The following REDIC1 variants were observed in gnomAD, a reference collection of about 807,000 sequenced individuals.
The protein encoded by REDIC1 is regulator of DNA class I crossover intermediates 1.
At chr12:39,849,305 T>C in the REDIC1 span, among the ~76,000 whole-genome samples, 1 of 152,134 alleles carries the variant, frequency 6.6e-6, no homozygotes, top group African/African-American at 2.4e-5. Flanking sequence ...GAATGCAGCA[T>C]TTAGCGAGCA....
At chr12:39,866,660 T>C in the REDIC1 span, among the ~76,000 whole-genome samples, 1 of 152,128 alleles carries the variant, frequency 6.6e-6, no homozygotes. Flanking sequence ...TTTGTATTTT[T>C]AGTAGAGACG....
the REDIC1 span, among the ~76,000 whole-genome samples, chr12:39,715,573 C>A: frequency 6.6e-6 from 1 of 151,870 alleles, no homozygotes. Flanking sequence ...CTAGAAAAAA[C>A]AATTCTAAAA....
At chr12:39,795,550 A>G in the REDIC1 span, among the ~76,000 whole-genome samples, 3 of 152,076 alleles carry the variant, frequency 2.0e-5, no homozygotes, top group Admixed American at 2.0e-4. Context: ...GTTCCCTGGT[A>G]TATTTTATGT....
chr12:39,870,992 T>A, the REDIC1 span, among the ~76,000 whole-genome samples: 1 of 152,198 alleles, frequency 6.6e-6, no homozygotes, highest in Non-Finnish European at 1.5e-5. Flanking sequence ...TATCTTTTAA[T>A]GGAAAAATGC....
the REDIC1 span, among the ~76,000 whole-genome samples, chr12:39,830,878 C>T: frequency 2.6e-5 from 4 of 152,152 alleles, no homozygotes; most frequent in African/African-American, 7.2e-5. Flanking sequence ...CAAAGGCTAA[C>T]CATCCCCTAA....
chr12:39,742,674 G>A, the REDIC1 span, among the ~76,000 whole-genome samples: 1 of 152,098 alleles, frequency 6.6e-6, no homozygotes, highest in Non-Finnish European at 1.5e-5. Context: ...GTTTACCTCA[G>A]CTGGAATTTT....
the REDIC1 span, chr12:39,764,510 A>G: frequency 6.2e-7 from 1 of 1,610,982 alleles, no homozygotes; most frequent in Non-Finnish European, 8.5e-7. Context: ...TGAAACCAGG[A>G]CATTGAAAAT....
the REDIC1 span, among the ~76,000 whole-genome samples, chr12:39,793,643 A>G: frequency 6.6e-6 from 1 of 152,114 alleles, no homozygotes; most frequent in Non-Finnish European, 1.5e-5. Flanking sequence ...TTACTAGGAT[A>G]TATATTGCGT....
At chr12:39,851,432 A>G in the REDIC1 span, among the ~76,000 whole-genome samples, 1 of 152,196 alleles carries the variant, frequency 6.6e-6, no homozygotes, top group South Asian at 2.1e-4. Context: ...ATAACTTTAT[A>G]TATTGATAAT....
the REDIC1 span, among the ~76,000 whole-genome samples, chr12:39,636,000 A>T: frequency 5.3e-5 from 8 of 152,100 alleles, no homozygotes; most frequent in African/African-American, 1.9e-4. Flanking sequence ...ATGTTTCAAG[A>T]CTATTTGTAA....
At chr12:39,896,392 G>GTA in the REDIC1 span, among the ~76,000 whole-genome samples, 5 of 134,210 alleles carry the variant, frequency 3.7e-5, no homozygotes, top group Non-Finnish European at 7.9e-5. Context: ...ATGTATATGT[G>GTA]TATATATGTA....
chr12:39,888,490 G>T, the REDIC1 span, among the ~76,000 whole-genome samples: 1 of 152,214 alleles, frequency 6.6e-6, no homozygotes, highest in Non-Finnish European at 1.5e-5. Context: ...CTCCCAAAGT[G>T]TTGGGATTAC....
the REDIC1 span, among the ~76,000 whole-genome samples, chr12:39,889,694 G>A: frequency 2.0e-5 from 3 of 151,602 alleles, no homozygotes; most frequent in East Asian, 5.8e-4. Flanking sequence ...CACCACGCCC[G>A]GCTAATTTTT....
chr12:39,848,837 A>T, the REDIC1 span, among the ~76,000 whole-genome samples: 1 of 152,198 alleles, frequency 6.6e-6, no homozygotes, highest in Non-Finnish European at 1.5e-5. Context: ...AATATTATGC[A>T]TCCATAAAAA....
the REDIC1 span, among the ~76,000 whole-genome samples, chr12:39,725,395 A>G: frequency 2.6e-5 from 4 of 152,224 alleles, no homozygotes; most frequent in Non-Finnish European, 5.9e-5. Flanking sequence ...GACTGTAGGA[A>G]AGGTTTTTCT....
chr12:39,768,066 C>T, the REDIC1 span, among the ~76,000 whole-genome samples: 4 of 152,208 alleles, frequency 2.6e-5, no homozygotes, highest in Admixed American at 6.5e-5. Flanking sequence ...GATAACTTGA[C>T]GCAGCTTCTC....
the REDIC1 span, among the ~76,000 whole-genome samples, chr12:39,753,647 G>T: frequency 6.6e-6 from 1 of 152,166 alleles, no homozygotes; most frequent in Non-Finnish European, 1.5e-5. Context: ...TCTCAGGAAA[G>T]GATTTTATAA....
At chr12:39,728,564 A>AT in the REDIC1 span, among the ~76,000 whole-genome samples, 1 of 151,926 alleles carries the variant, frequency 6.6e-6, no homozygotes, top group Admixed American at 6.6e-5. Flanking sequence ...TTAATGGATA[A>AT]TTTTTGCATT....
the REDIC1 span, among the ~76,000 whole-genome samples, chr12:39,894,554 TG>T: frequency 1.5e-4 from 23 of 152,334 alleles, no homozygotes; most frequent in East Asian, 3.9e-3. Flanking sequence ...CATACTGAAG[TG>T]GTTAAACCCA....
Sources: gnomAD v4.1 joint callset for allele counts (sites outside exome capture counted in the v4.1 genomes callset) on GRCh38, gnomAD v4.1.1 for gene constraint, MANE v1.5 for transcripts, NCBI Gene and HGNC (gene_info 2026-07-23, HGNC 2026-07-21) for gene names.